The following R3HDM1 variants were observed in gnomAD, a reference collection of about 807,000 sequenced individuals.
The protein encoded by R3HDM1 is R3H domain containing 1, also known as R3H domain-containing protein 1.
R3HDM1 carries 46 observed loss-of-function variants against 141.1 expected under a neutral mutation model. The observed-to-expected ratio is 0.33, with a 90% CI of 0.26 to 0.42. The LOEUF is 0.42. Among genes scored for constraint, R3HDM1 ranks in the 10% least tolerant of loss-of-function variants. The pLI is 1.00. For missense variants in R3HDM1, 1,184 were observed against 1,368.3 expected (o/e 0.87, Z 2.12); for synonymous variants, 435 against 472.9 (o/e 0.92, Z 1.04).
At chr2:135,683,311 T>C (rs567164825) in intron 21 of R3HDM1, among the ~76,000 whole-genome samples, 1 of 152,244 alleles carries the variant, frequency 6.6e-6, no homozygotes, top group Non-Finnish European at 1.5e-5. Flanking sequence ...CCCAGCACTT[T>C]GGGAGGCCAA....
At chr2:135,717,340 C>T (rs556707712) in intron 24 of R3HDM1, among the ~76,000 whole-genome samples, 8 of 152,020 alleles carry the variant, frequency 5.3e-5, no homozygotes, top group African/African-American at 9.6e-5. Flanking sequence ...AAAAATTAGC[C>T]GGGCACAGTG....
chr2:135,531,540 T>C lies in R3HDM1; in HGVS notation c.-343T>C. 1 of 985,558 alleles carries C rather than the reference T, an allele frequency of 1.0e-6. No homozygotes were observed. Among genetic ancestry groups the C allele is most frequent in the Non-Finnish European group, 1.2e-6 (1 of 829,928 alleles). 61.1% of individuals were successfully genotyped at this position (985,558 alleles called of 1,614,324 possible). ...GTGTCCGGGCTGGTGATGGGGTTAA[T>C]TCCCTTTCGTAAGACTCTTACTTGC... On this transcript the variant is annotated 5_prime_UTR_variant, in exon 1 of 27. Coordinates refer to ENST00000683871, the MANE Select transcript of R3HDM1 (RefSeq NM_001378107.1).
In R3HDM1 at chr2:135,724,541, G is replaced by C; in HGVS notation, c.*249G>C. 2 of 395,772 alleles carry C rather than the reference G, an allele frequency of 5.1e-6. 1 individual carries two copies. The highest frequency in any genetic ancestry group is 1.5e-4 in the South Asian group (2 of 13,198). 24.5% of individuals were successfully genotyped at this position (395,772 alleles called of 1,614,324 possible). ...TTTTCTAAGGAAATGCCATTCAAAT[G>C]CCTCCTAACTTTTATAGTTATTTTG... is the stretch of plus-strand genomic sequence containing the variant. On this transcript the variant is annotated 3_prime_UTR_variant, in exon 27 of 27. Transcript: ENST00000683871.
intron 21 of R3HDM1, among the ~76,000 whole-genome samples, chr2:135,698,023 A>G (rs2105398059): frequency 6.8e-6 from 1 of 147,702 alleles, no homozygotes; most frequent in Non-Finnish European, 1.5e-5. Flanking sequence ...ACTGCACTCC[A>G]GCCTGTGTGA....
At position 135,631,707 on chromosome 2, in the gene R3HDM1, C is replaced by T; in HGVS notation, c.498-11C>T. The T allele has an allele frequency of 6.4e-7, 1 of 1,559,032 alleles. No homozygotes were observed. Among genetic ancestry groups the T allele is most frequent in the Non-Finnish European group, 8.6e-7 (1 of 1,158,992 alleles). On this transcript the variant is annotated splice_polypyrimidine_tract_variant and intron_variant, in intron 7 of 26. Coordinates refer to ENST00000683871, the MANE Select transcript of R3HDM1 (RefSeq NM_001378107.1). ...AGTTTTACATATAAGAGTCTTCATA[C>T]TTTGTTTCAGGGACAGAATGATGCT...
intron 21 of R3HDM1, among the ~76,000 whole-genome samples, chr2:135,684,753 T>A: frequency 6.6e-6 from 1 of 151,948 alleles, no homozygotes; most frequent in East Asian, 1.9e-4. Flanking sequence ...CTTGCGTTTT[T>A]TTTTTCTTTT....
chr2:135,553,784 C>T (rs1178221638), intron 1 of R3HDM1, among the ~76,000 whole-genome samples: 11 of 152,136 alleles, frequency 7.2e-5, no homozygotes, highest in Non-Finnish European at 1.2e-4. Flanking sequence ...CTCTGCCTCC[C>T]GGGTCAAGCT....
intron 21 of R3HDM1, among the ~76,000 whole-genome samples, chr2:135,704,505 C>CT (rs1304324239): frequency 4.1e-5 from 6 of 145,760 alleles, no homozygotes; most frequent in African/African-American, 1.5e-4. Context: ...GACAGAGTCT[C>CT]TTTCGCCCAG....
At chr2:135,552,528 CTA>C (rs1056746140) in intron 1 of R3HDM1, among the ~76,000 whole-genome samples, 21 of 152,154 alleles carry the variant, frequency 1.4e-4, no homozygotes, top group Non-Finnish European at 2.5e-4. Context: ...ACAGTATAGA[CTA>C]AGTCAACAAC....
rs545430893 is a variant in R3HDM1 at position 135,587,371 on chromosome 2, C to T, written c.-249-15129C>T. Among the ~76,000 whole-genome samples, 17 of 152,188 alleles carry T rather than the reference C, an allele frequency of 1.1e-4. No homozygotes were observed. In the East Asian group the frequency reaches 3.3e-3, roughly 29 times the overall value. On this transcript the variant is annotated intron_variant, in intron 1 of 26. Coordinates refer to ENST00000683871, the MANE Select transcript of R3HDM1 (RefSeq NM_001378107.1). The stretch of plus-strand genomic sequence containing the variant: ...AATTGTTATGATATGAATTCCTTCC[C>T]CCTCCATTTACAAAACAATTATTTT...
At chr2:135,608,006 GAAGT>G (rs906669211) in intron 3 of R3HDM1, 1 of 969,754 alleles carries the variant, frequency 1.0e-6, no homozygotes, top group Non-Finnish European at 1.2e-6. Context: ...ATTGTTTATT[GAAGT>G]ATTTATTAAT....
At chr2:135,701,509 G>A (rs1412680951) in intron 21 of R3HDM1, among the ~76,000 whole-genome samples, 1 of 152,056 alleles carries the variant, frequency 6.6e-6, no homozygotes, top group Non-Finnish European at 1.5e-5. Flanking sequence ...AGTGAGGTGA[G>A]GTGAATGATT....
chr2:135,628,799 A>G (rs2062319867), intron 7 of R3HDM1, among the ~76,000 whole-genome samples: 1 of 151,798 alleles, frequency 6.6e-6, no homozygotes, highest in South Asian at 2.1e-4. Flanking sequence ...CTATTTTTGT[A>G]TTTTTAGTAG....
intron 1 of R3HDM1, among the ~76,000 whole-genome samples, chr2:135,534,927 A>G (rs1308214700): frequency 6.6e-6 from 1 of 152,186 alleles, no homozygotes; most frequent in African/African-American, 2.4e-5. Context: ...GAAAATTGGT[A>G]GCAGTTTTGT....
chr2:135,651,066 G>A (rs1472691584), intron 17 of R3HDM1: 2 of 985,226 alleles, frequency 2.0e-6, no homozygotes, highest in Non-Finnish European at 2.4e-6. Context: ...CCCTTGTCTT[G>A]GTAGGGCACC....
chr2:135,715,255 C>T (rs2076051951), intron 23 of R3HDM1, among the ~76,000 whole-genome samples: 1 of 152,122 alleles, frequency 6.6e-6, no homozygotes, highest in South Asian at 2.1e-4. Flanking sequence ...GGGACTGAGG[C>T]AGGAGGCTCA....
At chr2:135,653,088 G>T (rs979405185) in intron 18 of R3HDM1, among the ~76,000 whole-genome samples, 14 of 151,180 alleles carry the variant, frequency 9.3e-5, no homozygotes, top group Middle Eastern at 6.5e-3. Flanking sequence ...AAACATGGTG[G>T]CTTACACTTG....
intron 5 of R3HDM1, among the ~76,000 whole-genome samples, chr2:135,617,411 GAA>G (rs2061142898): frequency 6.6e-6 from 1 of 152,102 alleles, no homozygotes; most frequent in East Asian, 1.9e-4. Flanking sequence ...TTACCTTTTA[GAA>G]ATTTCTCAGA....
intron 1 of R3HDM1, among the ~76,000 whole-genome samples, chr2:135,540,197 G>A (rs1247082129): frequency 6.6e-6 from 1 of 152,156 alleles, no homozygotes; most frequent in African/African-American, 2.4e-5. Context: ...ATCATGAGCA[G>A]CAATTCAAGC....
Sources: gnomAD v4.1 joint callset for allele counts (sites outside exome capture counted in the v4.1 genomes callset) on GRCh38, gnomAD v4.1.1 for gene constraint, MANE v1.5 for transcripts, NCBI Gene and HGNC (gene_info 2026-07-23, HGNC 2026-07-21) for gene names.